Variants in SOX5 observed in about 807,000 individuals in gnomAD.
SOX5 encodes transcription factor SOX-5.
SOX5 carries 9 observed loss-of-function variants against 92.0 expected under a neutral mutation model. The observed-to-expected ratio is 0.10, with a 90% CI of 0.06 to 0.17. The LOEUF is 0.17. Ranked by LOEUF, SOX5 falls within the 10% of genes least tolerant of loss-of-function variation. SOX5 has a pLI of 1.00. For missense variants in SOX5, 642 were observed against 944.5 expected (o/e 0.68, Z 4.20); for synonymous variants, 344 against 336.3 (o/e 1.02, Z -0.25).
At chr12:24,034,506 ATTTCAC>A (rs1955825576) in intron 4 of SOX5, among the ~76,000 whole-genome samples, 1 of 150,964 alleles carries the variant, frequency 6.6e-6, no homozygotes, top group Non-Finnish European at 1.5e-5. Flanking sequence ...ACCAATAACT[ATTTCAC>A]TTCTCAAAAC....
intron 8 of SOX5, among the ~76,000 whole-genome samples, chr12:23,607,124 C>T (rs1314432627): frequency 2.6e-5 from 4 of 152,322 alleles, no homozygotes; most frequent in African/African-American, 9.6e-5. Flanking sequence ...TCTTCTCCAA[C>T]TGTGATCAGT....
intron 1 of SOX5, among the ~76,000 whole-genome samples, chr12:24,541,047 C>A (rs964226700): frequency 6.6e-6 from 1 of 152,202 alleles, no homozygotes; most frequent in African/African-American, 2.4e-5. Flanking sequence ...ATATTTACAA[C>A]AAGCCCCAGT....
chr12:24,543,237 T>C (rs145065128), intron 1 of SOX5, among the ~76,000 whole-genome samples: 27 of 152,332 alleles, frequency 1.8e-4, no homozygotes, highest in African/African-American at 5.5e-4. Flanking sequence ...GGAAGCTCCG[T>C]AAGGGTAAGG....
At chr12:24,026,479 G>A (rs1045544059) in intron 4 of SOX5, among the ~76,000 whole-genome samples, 1 of 151,622 alleles carries the variant, frequency 6.6e-6, no homozygotes, top group African/African-American at 2.4e-5. Flanking sequence ...GTCAGGTGTG[G>A]TGGCTCACAT....
At chr12:24,239,587 CA>C (rs1346760217) in intron 3 of SOX5, among the ~76,000 whole-genome samples, 1 of 152,168 alleles carries the variant, frequency 6.6e-6, no homozygotes, top group African/African-American at 2.4e-5. Context: ...TCTGGATTAG[CA>C]GCTGTACAGC....
At chr12:23,940,034 G>A (rs910486309) in intron 1 of SOX5, among the ~76,000 whole-genome samples, 7 of 150,794 alleles carry the variant, frequency 4.6e-5, no homozygotes, top group African/African-American at 1.2e-4. Flanking sequence ...GCTCTCCTGC[G>A]GATTCTTCAT....
At chr12:23,775,408 T>G (rs1289353991) in intron 3 of SOX5, among the ~76,000 whole-genome samples, 1 of 152,194 alleles carries the variant, frequency 6.6e-6, no homozygotes, top group African/African-American at 2.4e-5. Context: ...TTCAAACAAC[T>G]GTCTGTTGAA....
intron 11 of SOX5, among the ~76,000 whole-genome samples, chr12:23,552,656 G>A (rs1249168919): frequency 6.6e-6 from 1 of 151,930 alleles, no homozygotes; most frequent in Non-Finnish European, 1.5e-5. Context: ...AAGATTGTAA[G>A]TTATCAGGTG....
At chr12:24,253,948 T>C (rs1468520323) in intron 3 of SOX5, among the ~76,000 whole-genome samples, 1 of 152,154 alleles carries the variant, frequency 6.6e-6, no homozygotes, top group Non-Finnish European at 1.5e-5. Context: ...TCTATAAAAA[T>C]GTAGATGATG....
chr12:23,651,579 G>A (rs2081569653), intron 7 of SOX5, among the ~76,000 whole-genome samples: 1 of 151,974 alleles, frequency 6.6e-6, no homozygotes. Flanking sequence ...ATATAAATAT[G>A]GAAAGTGAAA....
At chr12:23,540,427 T>C (rs1470408210) in intron 13 of SOX5, among the ~76,000 whole-genome samples, 1 of 150,708 alleles carries the variant, frequency 6.6e-6, no homozygotes, top group East Asian at 1.9e-4. Flanking sequence ...GACAATTGGG[T>C]TTTCCTCCTG....
At chr12:24,535,621 C>T (rs1188900289) in intron 1 of SOX5, among the ~76,000 whole-genome samples, 2 of 152,176 alleles carry the variant, frequency 1.3e-5, no homozygotes, top group African/African-American at 4.8e-5. Flanking sequence ...ACTTTCTGGA[C>T]ACTATATCAT....
intron 6 of SOX5, among the ~76,000 whole-genome samples, chr12:23,681,888 T>A (rs983524043): frequency 2.6e-5 from 4 of 151,732 alleles, no homozygotes. Context: ...CAGGAAGACA[T>A]AATAATTTTT....
intron 2 of SOX5, among the ~76,000 whole-genome samples, chr12:23,876,937 T>C (rs943786004): frequency 1.3e-5 from 2 of 151,928 alleles, no homozygotes; most frequent in African/African-American, 4.8e-5. Flanking sequence ...AAGTGGGAAT[T>C]GAACAATGAG....
chr12:23,929,086 C>T (rs1433378475), intron 1 of SOX5, among the ~76,000 whole-genome samples: 2 of 151,568 alleles, frequency 1.3e-5, no homozygotes, highest in Non-Finnish European at 2.9e-5. Context: ...AAAGCCATAG[C>T]AGTATTACAA....
chr12:23,869,343 A>C (rs1400018765), intron 2 of SOX5, among the ~76,000 whole-genome samples: 1 of 152,284 alleles, frequency 6.6e-6, no homozygotes, highest in African/African-American at 2.4e-5. Context: ...GTTCCTTATT[A>C]TAAGCTCTTT....
chr12:24,294,318 A>G (rs1946955645), intron 2 of SOX5, among the ~76,000 whole-genome samples: 2 of 152,056 alleles, frequency 1.3e-5, no homozygotes, highest in African/African-American at 2.4e-5. Flanking sequence ...CAGCATCCCA[A>G]GGAAATGGCA....
intron 4 of SOX5, among the ~76,000 whole-genome samples, chr12:23,972,841 T>C (rs4480631): frequency 0.31 from 46,736 of 151,992 alleles, 8,162 homozygotes; most frequent in Non-Finnish European, 0.39. Flanking sequence ...ATCTATTCTA[T>C]TAGCTATTTT....
At chr12:24,115,323 T>G (rs1947871664) in intron 4 of SOX5, among the ~76,000 whole-genome samples, 1 of 152,218 alleles carries the variant, frequency 6.6e-6, no homozygotes, top group African/African-American at 2.4e-5. Flanking sequence ...GCTGAAATGG[T>G]TATCAACTTG....
Sources: allele counts gnomAD v4.1 joint callset (sites outside exome capture counted in the v4.1 genomes callset), GRCh38; gene constraint gnomAD v4.1.1; transcripts MANE v1.5; gene names NCBI Gene and HGNC (gene_info 2026-07-23, HGNC 2026-07-21).